SND1: variants seen among roughly 807,000 people sequenced by gnomAD.
SND1 encodes the protein staphylococcal nuclease domain-containing protein 1.
SND1 carries 38 observed loss-of-function variants against 121.7 expected under a neutral mutation model. That is an observed-to-expected ratio of 0.31 (90% CI 0.24 to 0.41). The LOEUF (loss-of-function observed/expected upper bound fraction) is 0.41. SND1 is among the 10% of genes least tolerant of loss of function. The probability of loss-of-function intolerance (pLI) is 1.00; values close to 1 mark genes in which losing one functional copy is unlikely to be tolerated. For synonymous variants in SND1, 401 were observed against 447.4 expected, an observed-to-expected ratio of 0.90 and a Z score of 1.31; for missense variants, 868 against 1,184.6, an observed-to-expected ratio of 0.73 and a Z score of 3.92.
At chr7:127,858,155 G>T (rs1191309321) in intron 12 of SND1, 1 of 821,788 alleles carries the variant, frequency 1.2e-6, no homozygotes, top group Non-Finnish European at 2.2e-6. Context: ...GTGGGATTGT[G>T]GGGTCCCTAG....
At chr7:127,805,456 A>G (rs2116572114) in intron 10 of SND1, among the ~76,000 whole-genome samples, 1 of 152,250 alleles carries the variant, frequency 6.6e-6, no homozygotes. Context: ...ACTTTTTTTA[A>G]CAGGAGGTAG....
intron 13 of SND1, among the ~76,000 whole-genome samples, chr7:127,894,922 G>C (rs756088487): frequency 2.0e-5 from 3 of 151,890 alleles, no homozygotes; most frequent in Non-Finnish European, 4.4e-5. Flanking sequence ...ATCTCAGAGG[G>C]ACAGGCATTA....
intron 16 of SND1, among the ~76,000 whole-genome samples, chr7:128,043,616 A>G (rs1239935118): frequency 1.3e-5 from 2 of 150,744 alleles, no homozygotes; most frequent in Admixed American, 6.6e-5. Context: ...TATATCTGAA[A>G]TATATGAATG....
intron 1 of SND1, among the ~76,000 whole-genome samples, chr7:127,684,813 T>A (rs1795785365): frequency 6.6e-6 from 1 of 152,282 alleles, no homozygotes; most frequent in African/African-American, 2.4e-5. Flanking sequence ...GGGATTAAAG[T>A]GACTTAGGCC....
chr7:127,917,515 C>A (rs759982235), intron 14 of SND1, among the ~76,000 whole-genome samples: 2 of 152,138 alleles, frequency 1.3e-5, no homozygotes. Flanking sequence ...TGTCCACACT[C>A]TTTTTTGCGC....
At chr7:127,851,781 G>A (rs572572092) in intron 12 of SND1, among the ~76,000 whole-genome samples, 9 of 151,852 alleles carry the variant, frequency 5.9e-5, no homozygotes, top group African/African-American at 1.9e-4. Flanking sequence ...TTCTTTAATT[G>A]TTCTGTCTTA....
chr7:127,723,804 C>A (rs892674119), intron 10 of SND1, among the ~76,000 whole-genome samples: 3 of 152,048 alleles, frequency 2.0e-5, no homozygotes, highest in Non-Finnish European at 4.4e-5. Context: ...CATATAACTA[C>A]GTTAAAAAAC....
At chr7:127,926,549 CTTTTTTTTTT>C (rs71160605) in intron 14 of SND1, among the ~76,000 whole-genome samples, 1 of 90,558 alleles carries the variant, frequency 1.1e-5, no homozygotes, top group Non-Finnish European at 2.0e-5. Flanking sequence ...TTTTCTTTTT[CTTTTTTTTTT>C]TTTTTTTTTT....
At chr7:127,977,913 A>T (rs1426802781) in intron 15 of SND1, among the ~76,000 whole-genome samples, 3 of 152,176 alleles carry the variant, frequency 2.0e-5, no homozygotes, top group Non-Finnish European at 4.4e-5. Flanking sequence ...CAGAATGGGG[A>T]ACTCTGGAAG....
chr7:128,019,098 CCT>C (rs1803292385), intron 16 of SND1, among the ~76,000 whole-genome samples: 1 of 152,194 alleles, frequency 6.6e-6, no homozygotes. Context: ...CCCCTCCCCA[CCT>C]CAGCCAGCTA....
chr7:127,932,773 G>A (rs13227201), intron 15 of SND1, among the ~76,000 whole-genome samples: 33,811 of 152,102 alleles, frequency 0.22, 4,236 homozygotes, highest in Middle Eastern at 0.33. Context: ...AGATTATGAC[G>A]CACTGAAGGC....
At chr7:127,809,306 C>A (rs931273050) in intron 11 of SND1, among the ~76,000 whole-genome samples, 17 of 152,234 alleles carry the variant, frequency 1.1e-4, no homozygotes, top group African/African-American at 3.9e-4. Context: ...GTTTTGTTCC[C>A]CAGAGTGACA....
chr7:127,687,643 C>T (rs767612468), intron 2 of SND1, among the ~76,000 whole-genome samples: 2 of 152,024 alleles, frequency 1.3e-5, no homozygotes, highest in Non-Finnish European at 2.9e-5. Context: ...CTGCAAAGGA[C>T]GTGATTTCAG....
intron 1 of SND1, among the ~76,000 whole-genome samples, chr7:127,678,703 CTT>C (rs1014291201): frequency 2.0e-5 from 3 of 152,266 alleles, no homozygotes; most frequent in African/African-American, 7.2e-5. Flanking sequence ...GTCTAAATGA[CTT>C]TTTAATTTTC....
chr7:127,847,660 A>G (rs778073346), intron 12 of SND1, among the ~76,000 whole-genome samples: 1 of 152,210 alleles, frequency 6.6e-6, no homozygotes. Flanking sequence ...TGTCCCACAC[A>G]TATTTATTTT....
chr7:127,764,479 C>T (rs1797374826), intron 10 of SND1, among the ~76,000 whole-genome samples: 1 of 152,230 alleles, frequency 6.6e-6, no homozygotes, highest in Admixed American at 6.5e-5. Flanking sequence ...ATTGCAGATG[C>T]TGCTGAAGGC....
intron 15 of SND1, among the ~76,000 whole-genome samples, chr7:127,977,656 G>A (rs1287305003): frequency 6.6e-6 from 1 of 152,192 alleles, no homozygotes; most frequent in Non-Finnish European, 1.5e-5. Flanking sequence ...AGTAGATTAA[G>A]CTGGTAGTGT....
chr7:128,050,196 T>A (rs1037589425), intron 16 of SND1, among the ~76,000 whole-genome samples: 6 of 152,218 alleles, frequency 3.9e-5, no homozygotes, highest in African/African-American at 1.4e-4. Context: ...CTCCCTCTTT[T>A]TAGCATGTGG....
At chr7:128,062,694 T>C (rs1354405449) in intron 16 of SND1, among the ~76,000 whole-genome samples, 1 of 152,122 alleles carries the variant, frequency 6.6e-6, no homozygotes, top group Non-Finnish European at 1.5e-5. Flanking sequence ...AGAAATCAGA[T>C]GGTAAAAGAG....
Sources: gnomAD v4.1 joint callset for allele counts (sites outside exome capture counted in the v4.1 genomes callset) on GRCh38, gnomAD v4.1.1 for gene constraint, MANE v1.5 for transcripts, NCBI Gene and HGNC (gene_info 2026-07-23, HGNC 2026-07-21) for gene names.